KRTAP5-9: variants seen among roughly 807,000 people sequenced by gnomAD.
KRTAP5-9 encodes keratin-associated protein 5-9.
KRTAP5-9 carries 2 observed loss-of-function variants against 3.0 expected under a neutral mutation model. The ratio of observed to expected loss-of-function variants is 0.67; its 90% CI spans 0.27 to 2.09. KRTAP5-9 has a LOEUF of 2.09. Ranked by LOEUF, KRTAP5-9 falls within the 30% of genes most tolerant of loss-of-function variation. The pLI is 0.14. For synonymous variants in KRTAP5-9, 70 were observed against 81.2 expected (o/e 0.86, Z 0.74); for missense variants, 183 against 204.2 (o/e 0.90, Z 0.63).
chr11:71,548,936 G>C lies in KRTAP5-9; in HGVS notation c.279G>C (p.Gly93=). The C allele has an allele frequency of 1.9e-6, 3 of 1,603,472 alleles. No individual in the cohort carries two copies. Among genetic ancestry groups the C allele is most frequent in the Non-Finnish European group, 2.6e-6 (3 of 1,175,810 alleles). ...CCTGCTGTTGCTCTTCAGGCTGTGG[G>C]TCATCCTGCTGCCAGTGCAGCTGCT... The part of the protein sequence containing the change: ...CKPCCCSSGC[G]SSCCQCSCCK... Residue 93 remains glycine (G), a synonymous_variant, in exon 1 of 1, where the codon GGG becomes GGC. Coordinates refer to ENST00000528743, the MANE Select transcript of KRTAP5-9 (RefSeq NM_005553.4).
At position 71,549,000 on chromosome 11, in the gene KRTAP5-9, T is replaced by C. The variant is rs1449249605; in HGVS notation, c.343T>C (p.Cys115Arg). 17 of 1,606,054 alleles carry C rather than the reference T, an allele frequency of 1.1e-5. No individual in the cohort carries two copies. The highest frequency in any genetic ancestry group is 1.4e-5 in the Non-Finnish European group (17 of 1,178,904). Residue 115 changes from cysteine (C) to arginine (R), a missense_variant, in exon 1 of 1, where the codon TGT (cysteine) becomes CGT (arginine). Physicochemically the swap from Cys to Arg is radical, Grantham distance 180 (BLOSUM62 -3). Transcript: ENST00000528743. Reference protein sequence around the residue: ...YCSQCSCCKPCCSSSGRGSSC... With the variant: ...YCSQCSCCKPRCSSSGRGSSC... ...CTCCCAGTGCAGCTGCTGTAAGCCCTGTTGCTCCTCCTCGGGTCGTGGGTC... is the reference window on the plus strand; with the variant it reads ...CTCCCAGTGCAGCTGCTGTAAGCCCCGTTGCTCCTCCTCGGGTCGTGGGTC...
Position 71,548,837 on chromosome 11 carries a change from G to T in KRTAP5-9, c.180G>T (p.Arg60=). ...PACSCSSCGK[R]GCGSCGGSKG... ...GTTCCTGCTCTAGCTGTGGCAAGCG[G>T]GGCTGTGGCTCCTGTGGGGGCTCCA... Residue 60 remains arginine, a synonymous_variant, in exon 1 of 1, where the codon CGG becomes CGT. Coordinates refer to ENST00000528743, the MANE Select transcript of KRTAP5-9 (RefSeq NM_005553.4). 6.2e-7 allele frequency: 1 copy of T among 1,614,098 alleles called. No homozygotes were observed.
Position 71,548,969 on chromosome 11 carries a change from C to G in KRTAP5-9, c.312C>G (p.Pro104=), listed in dbSNP as rs1950109826. The G allele has an allele frequency of 6.2e-7, 1 of 1,601,820 alleles. No homozygotes were observed. Among genetic ancestry groups the G allele is most frequent in the African/African-American group, 1.4e-5 (1 of 70,208 alleles). ...SSCCQCSCCK[P]YCSQCSCCKP... ...GCTGCCAGTGCAGCTGCTGCAAGCC[C>G]TACTGCTCCCAGTGCAGCTGCTGTA... The change falls in exon 1 of 1, where the codon CCC becomes CCG. Residue 104 remains proline, a synonymous_variant. Coordinates refer to ENST00000528743, the MANE Select transcript of KRTAP5-9 (RefSeq NM_005553.4).
In KRTAP5-9 at chr11:71,549,267, T is replaced by G; in HGVS notation, c.*100T>G. On this transcript the variant is annotated 3_prime_UTR_variant, in exon 1 of 1. Transcript: ENST00000528743. ...CCCTTCTGGATCTGAAAAGAGCCCTTGGCTCAGGGCGTCTTTTTCCAGCCC... is the reference window on the plus strand; with the variant it reads ...CCCTTCTGGATCTGAAAAGAGCCCTGGGCTCAGGGCGTCTTTTTCCAGCCC... 6.5e-7 allele frequency: 1 copy of G among 1,527,974 alleles called. No individual in the cohort carries two copies. The highest frequency in any genetic ancestry group is 8.9e-7 in the Non-Finnish European group (1 of 1,117,370). The allele number at this position is 1,527,974 out of a possible 1,614,324, so 94.7% of individuals were successfully genotyped here. A position where few individuals can be genotyped will look rare whatever the true frequency, so the allele number is the denominator to read the frequency against.
Position 71,549,270 on chromosome 11 carries a change from C to A in KRTAP5-9, c.*103C>A. The A allele has an allele frequency of 6.7e-7, 1 of 1,503,218 alleles. No individual in the cohort carries two copies. Among genetic ancestry groups the A allele is most frequent in the Non-Finnish European group, 9.1e-7 (1 of 1,099,636 alleles). The allele number at this position is 1,503,218 out of a possible 1,614,324, so 93.1% of individuals were successfully genotyped here. A position where few individuals can be genotyped will look rare whatever the true frequency, so the allele number is the denominator to read the frequency against. ...TTCTGGATCTGAAAAGAGCCCTTGG[C>A]TCAGGGCGTCTTTTTCCAGCCCCTG... On this transcript the variant is annotated 3_prime_UTR_variant, in exon 1 of 1. Coordinates refer to ENST00000528743, the MANE Select transcript of KRTAP5-9 (RefSeq NM_005553.4).
In KRTAP5-9 at chr11:71,549,011, C is replaced by T. The variant is rs1310314320; in HGVS notation, c.354C>T (p.Ser118=). The change falls in exon 1 of 1, where the codon TCC becomes TCT. Residue 118 remains serine (S), a synonymous_variant. Coordinates refer to ENST00000528743, the MANE Select transcript of KRTAP5-9 (RefSeq NM_005553.4). ...QCSCCKPCCS[S]SGRGSSCCQS... Reference sequence around the variant, plus strand: ...GCTGCTGTAAGCCCTGTTGCTCCTCCTCGGGTCGTGGGTCATCCTGCTGCC... The same window carrying T: ...GCTGCTGTAAGCCCTGTTGCTCCTCTTCGGGTCGTGGGTCATCCTGCTGCC... 1.2e-6 allele frequency: 2 copies of T among 1,606,408 alleles called. No individual in the cohort carries two copies. The highest frequency in any genetic ancestry group is 2.2e-5 in the South Asian group (2 of 90,952).
Position 71,548,913 on chromosome 11 carries a change from T to C in KRTAP5-9, c.256T>C (p.Cys86Arg). The C allele has an allele frequency of 6.2e-7, 1 of 1,614,114 alleles. No homozygotes were observed. The highest frequency in any genetic ancestry group is 8.5e-7 in the Non-Finnish European group (1 of 1,180,000). ...GCSQCSCCKP[C>R]CCSSGCGSSC... ...CTCCCAGTGCAGTTGCTGCAAGCCCTGCTGTTGCTCTTCAGGCTGTGGGTC... is the reference window on the plus strand; with the variant it reads ...CTCCCAGTGCAGTTGCTGCAAGCCCCGCTGTTGCTCTTCAGGCTGTGGGTC... The change falls in exon 1 of 1, where the codon TGC becomes CGC. Residue 86 changes from cysteine to arginine, a missense_variant. Coordinates refer to ENST00000528743, the MANE Select transcript of KRTAP5-9 (RefSeq NM_005553.4).
In KRTAP5-9 at chr11:71,549,463, G is replaced by A; in HGVS notation, c.*296G>A. The A allele has an allele frequency of 1.9e-6, 1 of 539,554 alleles. No individual in the cohort carries two copies. The highest frequency in any genetic ancestry group is 2.5e-5 in the South Asian group (1 of 40,126). 33.4% of individuals were successfully genotyped at this position (539,554 alleles called of 1,614,324 possible). A position where few individuals can be genotyped will look rare whatever the true frequency, so the allele number is the denominator to read the frequency against. On this transcript the variant is annotated 3_prime_UTR_variant, in exon 1 of 1. Coordinates refer to ENST00000528743, the MANE Select transcript of KRTAP5-9 (RefSeq NM_005553.4). ...GAATTCCCCTTCTTGATAATTCCAT[G>A]GGAGACAGCAAACCCTTCTTTCCTT...
rs765825946 is a variant in KRTAP5-9 at position 71,548,690 on chromosome 11, C to T, written c.33C>T (p.Gly11=). The change falls in exon 1 of 1, where the codon GGC becomes GGT. Residue 11 remains glycine (G), a synonymous_variant. Coordinates refer to ENST00000528743, the MANE Select transcript of KRTAP5-9 (RefSeq NM_005553.4). ...GCTGTGGCTGCTCCGGAGGCTGTGG[C>T]TCCAGCTGTGGAGGCTGTGACTCCA... MGCCGCSGGC[G]SSCGGCDSSC... is the part of the protein sequence containing the mutation. The T allele has an allele frequency of 3.7e-6, 6 of 1,612,120 alleles. No homozygotes were observed. The highest frequency in any genetic ancestry group is 5.1e-6 in the Non-Finnish European group (6 of 1,179,630).
rs1565622461 is a variant in KRTAP5-9, at chr11:71,549,284, T to A, written c.*117T>A. ...AGAGCCCTTGGCTCAGGGCGTCTTT[T>A]TCCAGCCCCTGAGGAAATGGAATGA... On this transcript the variant is annotated 3_prime_UTR_variant, in exon 1 of 1. Transcript: ENST00000528743. 7.1e-7 allele frequency: 1 copy of A among 1,405,044 alleles called. No individual in the cohort carries two copies. Among genetic ancestry groups the A allele is most frequent in the East Asian group, 2.3e-5 (1 of 43,248 alleles). The allele number at this position is 1,405,044 out of a possible 1,614,324, so 87.0% of individuals were successfully genotyped here. A position where few individuals can be genotyped will look rare whatever the true frequency, so the allele number is the denominator to read the frequency against.
chr11:71,549,195 C>T lies in KRTAP5-9; in HGVS notation c.*28C>T. On this transcript the variant is annotated 3_prime_UTR_variant, in exon 1 of 1. Coordinates refer to ENST00000528743, the MANE Select transcript of KRTAP5-9 (RefSeq NM_005553.4). ...CTCTAGTGGGAAACCTCAGGTAGCT[C>T]CTGAAGATCTGTGCTTTCCAACAAG... 1.2e-6 allele frequency: 2 copies of T among 1,613,808 alleles called. No individual in the cohort carries two copies. Among genetic ancestry groups the T allele is most frequent in the Non-Finnish European group, 1.7e-6 (2 of 1,179,694 alleles).
rs564532132 is a variant in KRTAP5-9 at position 71,549,064 on chromosome 11, C to G, written c.407C>G (p.Ser136Ter). ...CQSSCCKPCC[S>*]SSGCGSSCCQ... ...TCCAGCTGCTGCAAGCCCTGCTGCTCATCCTCAGGCTGTGGGTCATCCTGC... is the reference window on the plus strand; with the variant it reads ...TCCAGCTGCTGCAAGCCCTGCTGCTGATCCTCAGGCTGTGGGTCATCCTGC... The change falls in exon 1 of 1, where the codon TCA becomes TGA. Residue 136 changes from serine (S) to a stop codon, truncating the protein, a stop_gained. Coordinates refer to ENST00000528743, the MANE Select transcript of KRTAP5-9 (RefSeq NM_005553.4). LOFTEE classifies it high-confidence loss of function. The G allele has an allele frequency of 6.2e-7, 1 of 1,604,078 alleles. No homozygotes were observed. The highest frequency in any genetic ancestry group is 8.5e-7 in the Non-Finnish European group (1 of 1,179,024).
In KRTAP5-9 at chr11:71,548,824, G is replaced by A; in HGVS notation, c.167G>A (p.Ser56Asn). ...TGTGTTCCAGCCTGTTCCTGCTCTA[G>A]CTGTGGCAAGCGGGGCTGTGGCTCC... ...CCCVPACSCS[S>N]CGKRGCGSCG... The change falls in exon 1 of 1, where the codon AGC becomes AAC. Residue 56 changes from serine to asparagine, a missense_variant. By Grantham distance (46) the Ser-to-Asn change is conservative (BLOSUM62 1). Coordinates refer to ENST00000528743, the MANE Select transcript of KRTAP5-9 (RefSeq NM_005553.4). The A allele has an allele frequency of 1.2e-6, 2 of 1,614,134 alleles. No homozygotes were observed. The highest frequency in any genetic ancestry group is 1.7e-6 in the Non-Finnish European group (2 of 1,180,034).
In KRTAP5-9 at chr11:71,548,951, G is replaced by T. The variant is rs61746411; in HGVS notation, c.294G>T (p.Gln98His). Residue 98 changes from glutamine (Q) to histidine (H), a missense_variant, in exon 1 of 1, where the codon CAG becomes CAT. Physicochemically the swap from Gln to His is conservative, Grantham distance 24. Transcript: ENST00000528743. ...CSSGCGSSCC[Q>H]CSCCKPYCSQ... ...CAGGCTGTGGGTCATCCTGCTGCCA[G>T]TGCAGCTGCTGCAAGCCCTACTGCT... 0.064 allele frequency: 103,605 copies of T among 1,608,480 alleles called. 3,821 individuals carry two copies. Among genetic ancestry groups the T allele is most frequent in the Non-Finnish European group, 0.076 (89,729 of 1,179,740 alleles).
chr11:71,549,568 A>C lies in KRTAP5-9; in HGVS notation c.*401A>C. On this transcript the variant is annotated 3_prime_UTR_variant, in exon 1 of 1. Transcript: ENST00000528743. The stretch of plus-strand genomic sequence containing the variant: ...TCACATGTATCTATGGAAATCCAAA[A>C]TGCATCTGGGTGCAGCACTAAATAA... 3.4e-6 allele frequency: 1 copy of C among 291,748 alleles called. No homozygotes were observed. Among genetic ancestry groups the C allele is most frequent in the Non-Finnish European group, 6.8e-6 (1 of 146,320 alleles). 18.1% of individuals were successfully genotyped at this position (291,748 alleles called of 1,614,324 possible).
In KRTAP5-9 at chr11:71,548,783, C is replaced by G. The variant is rs1195750457; in HGVS notation, c.126C>G (p.Cys42Trp). 1 of 1,613,488 alleles carries G rather than the reference C, an allele frequency of 6.2e-7. No individual in the cohort carries two copies. The highest frequency in any genetic ancestry group is 1.7e-5 in the Admixed American group (1 of 60,026). Reference sequence around the variant, plus strand: ...GCTGCTGTGCACCCGTCTACTGCTGCAAGCCCGTGTGCTGCTGTGTTCCAG... The same window carrying G: ...GCTGCTGTGCACCCGTCTACTGCTGGAAGCCCGTGTGCTGCTGTGTTCCAG... Reference protein sequence around the residue: ...GPSCCAPVYCCKPVCCCVPAC... With the variant: ...GPSCCAPVYCWKPVCCCVPAC... Residue 42 changes from cysteine to tryptophan, a missense_variant, in exon 1 of 1, where the codon TGC becomes TGG. Coordinates refer to ENST00000528743, the MANE Select transcript of KRTAP5-9 (RefSeq NM_005553.4).
Position 71,548,936 on chromosome 11 carries a change from G to T in KRTAP5-9, c.279G>T (p.Gly93=), listed in dbSNP as rs1950109600. 3.1e-6 allele frequency: 5 copies of T among 1,603,378 alleles called. No individual in the cohort carries two copies. The highest frequency in any genetic ancestry group is 4.3e-6 in the Non-Finnish European group (5 of 1,175,818). ...CKPCCCSSGC[G]SSCCQCSCCK... ...CCTGCTGTTGCTCTTCAGGCTGTGG[G>T]TCATCCTGCTGCCAGTGCAGCTGCT... The change falls in exon 1 of 1, where the codon GGG becomes GGT. Residue 93 remains glycine, a synonymous_variant. Transcript: ENST00000528743.
At position 71,549,206 on chromosome 11, in the gene KRTAP5-9, G is replaced by T. The variant is rs762594547; in HGVS notation, c.*39G>T. 1.2e-5 allele frequency: 19 copies of T among 1,612,476 alleles called. 2 individuals are homozygous for T. The South Asian group carries it at 1.9e-4, about 16-fold the overall frequency. On this transcript the variant is annotated 3_prime_UTR_variant, in exon 1 of 1. Coordinates refer to ENST00000528743, the MANE Select transcript of KRTAP5-9 (RefSeq NM_005553.4). ...AACCTCAGGTAGCTCCTGAAGATCT[G>T]TGCTTTCCAACAAGTGACTACCCTT...
chr11:71,549,224 C>A lies in KRTAP5-9; in HGVS notation c.*57C>A. 1 of 1,608,390 alleles carries A rather than the reference C, an allele frequency of 6.2e-7. No individual in the cohort carries two copies. The highest frequency in any genetic ancestry group is 8.5e-7 in the Non-Finnish European group (1 of 1,175,802). Reference sequence around the variant, plus strand: ...AAGATCTGTGCTTTCCAACAAGTGACTACCCTTGAAGCACATCCCCTTCTG... The same window carrying A: ...AAGATCTGTGCTTTCCAACAAGTGAATACCCTTGAAGCACATCCCCTTCTG... On this transcript the variant is annotated 3_prime_UTR_variant, in exon 1 of 1. Transcript: ENST00000528743.
Sources: allele counts gnomAD v4.1 joint callset, GRCh38; gene constraint gnomAD v4.1.1; transcripts MANE v1.5; gene names NCBI Gene and HGNC (gene_info 2026-07-23, HGNC 2026-07-21).